Variants in DIS3L2 observed in about 807,000 individuals in gnomAD.
DIS3L2 encodes the protein DIS3-like exonuclease 2.
In DIS3L2, 34 loss-of-function variants were observed where a neutral mutation model predicts 97.5. The ratio of observed to expected loss-of-function variants is 0.35; its 90% CI spans 0.27 to 0.46. DIS3L2 has a LOEUF of 0.46. Ranked by LOEUF, DIS3L2 falls within the 20% of genes least tolerant of loss-of-function variation. DIS3L2 has a pLI of 1.00. For synonymous variants in DIS3L2, 435 were observed against 445.2 expected (o/e 0.98, Z 0.29); for missense variants, 1,038 against 1,146.0 (o/e 0.91, Z 1.36).
At chr2:232,245,617 G>A (rs1362889155) in intron 11 of DIS3L2, among the ~76,000 whole-genome samples, 1 of 152,126 alleles carries the variant, frequency 6.6e-6, no homozygotes, top group African/African-American at 2.4e-5. Context: ...TTAAGACCTG[G>A]TAAATGTCTT....
chr2:232,248,543 A>G (rs961533653), intron 11 of DIS3L2, among the ~76,000 whole-genome samples: 2 of 152,240 alleles, frequency 1.3e-5, no homozygotes, highest in African/African-American at 4.8e-5. Context: ...TCATCATTTG[A>G]AAGTAAGCTG....
chr2:232,080,691 A>G (rs940882697), intron 5 of DIS3L2, among the ~76,000 whole-genome samples: 1 of 151,920 alleles, frequency 6.6e-6, no homozygotes, highest in Non-Finnish European at 1.5e-5. Context: ...GCTTGAGCTC[A>G]GGAGTTCGAG....
chr2:232,206,660 T>C (rs1401902394), intron 9 of DIS3L2, among the ~76,000 whole-genome samples: 1 of 152,216 alleles, frequency 6.6e-6, no homozygotes, highest in South Asian at 2.1e-4. Flanking sequence ...TCAGGAATAA[T>C]GTTTGGATGG....
chr2:231,965,938 C>T lies in DIS3L2; in HGVS notation c.-94+4173C>T, dbSNP rs757275292. Among the ~76,000 whole-genome samples, 11 of 152,258 alleles carry T rather than the reference C, an allele frequency of 7.2e-5. No homozygotes were observed. The South Asian group carries it at 2.1e-3, about 29-fold the overall frequency. On this transcript the variant is annotated intron_variant, in intron 1 of 20. Transcript: ENST00000325385. ...GGCTCAGGCGATCCTCCTGCTTCAACCTCCCGAAGTTCTGGGATTATAGAT... is the reference window on the plus strand; with the variant it reads ...GGCTCAGGCGATCCTCCTGCTTCAATCTCCCGAAGTTCTGGGATTATAGAT...
intron 14 of DIS3L2, among the ~76,000 whole-genome samples, chr2:232,319,985 G>C (rs981151699): frequency 3.9e-5 from 6 of 152,218 alleles, no homozygotes; most frequent in African/African-American, 1.4e-4. Flanking sequence ...CTTCACACAG[G>C]CTGTGCGAGA....
chr2:232,234,911 G>T (rs72994300), intron 10 of DIS3L2, among the ~76,000 whole-genome samples: 1,790 of 152,340 alleles, frequency 0.012, 17 homozygotes, highest in Non-Finnish European at 0.017. Flanking sequence ...GCTTCAAGAA[G>T]ATGTCAGCTT....
intron 9 of DIS3L2, among the ~76,000 whole-genome samples, chr2:232,173,161 C>A (rs747038399): frequency 9.2e-5 from 14 of 152,070 alleles, no homozygotes; most frequent in Non-Finnish European, 1.8e-4. Context: ...TCTGTTTTTT[C>A]TTTGGTTGCT....
At chr2:232,221,741 C>T (rs1262534511) in intron 10 of DIS3L2, among the ~76,000 whole-genome samples, 1 of 151,742 alleles carries the variant, frequency 6.6e-6, no homozygotes, top group Admixed American at 6.6e-5. Flanking sequence ...GTGGAGGTTG[C>T]AGTGAGCCGA....
chr2:231,963,393 A>G (rs1388178216), intron 1 of DIS3L2, among the ~76,000 whole-genome samples: 1 of 151,836 alleles, frequency 6.6e-6, no homozygotes, highest in Non-Finnish European at 1.5e-5. Context: ...TTCTTTTTGT[A>G]TTTCTTCTGA....
In DIS3L2 at chr2:232,029,977, A is replaced by G; in HGVS notation, c.265-2A>G. 1.3e-6 allele frequency: 2 copies of G among 1,594,486 alleles called. No individual in the cohort carries two copies. Among genetic ancestry groups the G allele is most frequent in the Non-Finnish European group, 1.7e-6 (2 of 1,173,016 alleles). ...ATTGTTTTATTTCTTTTTCCAACCT[A>G]GGATGGTGATCGAGACATTTTTATT... On this transcript the variant is annotated splice_acceptor_variant, in intron 4 of 20. Coordinates refer to ENST00000325385, the MANE Select transcript of DIS3L2 (RefSeq NM_152383.5). LOFTEE classifies it high-confidence loss of function.
At position 232,263,406 on chromosome 2, in the gene DIS3L2, A is replaced by G; in HGVS notation, c.1625A>G (p.Gln542Arg). Reference sequence around the variant, plus strand: ...GGAATTGCCAAGCAGTTACGCCAGCAGCGCTTTGTGGACGGCGCACTTCGT... The same window carrying G: ...GGAATTGCCAAGCAGTTACGCCAGCGGCGCTTTGTGGACGGCGCACTTCGT... The part of the protein sequence containing the change: ...LHGIAKQLRQ[Q>R]RFVDGALRLD... Residue 542 changes from glutamine to arginine, a missense_variant, in exon 13 of 21, where the codon CAG becomes CGG. This residue lies in a region of DIS3L2 where 813 missense variants were observed against 880.1 expected (regional missense o/e 0.92). Coordinates refer to ENST00000325385, the MANE Select transcript of DIS3L2 (RefSeq NM_152383.5). 1 of 1,614,172 alleles carries G rather than the reference A, an allele frequency of 6.2e-7. No homozygotes were observed. Among genetic ancestry groups the G allele is most frequent in the Non-Finnish European group, 8.5e-7 (1 of 1,180,046 alleles).
At position 232,312,477 on chromosome 2, in the gene DIS3L2, A is replaced by G. The variant is rs557799797; in HGVS notation, c.1739+12358A>G. Among the ~76,000 whole-genome samples the G allele has an allele frequency of 4.6e-5, 7 of 152,332 alleles. No homozygotes were observed. In the East Asian group the frequency reaches 1.2e-3, roughly 25 times the overall value. ...TGGTTTATATATCTATTCTTGTACC[A>G]GTACCACACTACCTTCATGTTTGTA... On this transcript the variant is annotated intron_variant, in intron 14 of 20. Transcript: ENST00000325385.
Position 232,074,900 on chromosome 2 carries a change from A to AAGAATGGCTAAGGACTAGCAGTGCTGC in DIS3L2, c.367-12583_367-12557dup, listed in dbSNP as rs1696139686. Among the ~76,000 whole-genome samples the AAGAATGGCTAAGGACTAGCAGTGCTGC allele has an allele frequency of 3.9e-5, 6 of 152,284 alleles. No individual in the cohort carries two copies. In the South Asian group the frequency reaches 1.2e-3, roughly 32 times the overall value. Reference sequence around the variant, plus strand: ...ACCTGGCCGAGGAACCGTATAGTGAAAGAATGGCTAAGGACTAGCAGTGCT... The same window carrying AAGAATGGCTAAGGACTAGCAGTGCTGC: ...ACCTGGCCGAGGAACCGTATAGTGAAAGAATGGCTAAGGACTAGCAGTGCTGCAGAATGGCTAAGGACTAGCAGTGCT... On this transcript the variant is annotated intron_variant, in intron 5 of 20. Transcript: ENST00000325385.
chr2:232,338,731 C>G (rs1166174095), downstream of DIS3L2, among the ~76,000 whole-genome samples: 1 of 152,256 alleles, frequency 6.6e-6, no homozygotes, highest in African/African-American at 2.4e-5. Flanking sequence ...ACATGGTTGA[C>G]TGAATCCGGT....
At chr2:232,211,471 A>G (rs978420498) in intron 10 of DIS3L2, among the ~76,000 whole-genome samples, 3 of 152,136 alleles carry the variant, frequency 2.0e-5, no homozygotes, top group African/African-American at 4.8e-5. Context: ...CTAATGCCCC[A>G]GATGTGCTGC....
intron 9 of DIS3L2, among the ~76,000 whole-genome samples, chr2:232,177,009 T>C (rs1268379988): frequency 7.1e-6 from 1 of 141,644 alleles, no homozygotes; most frequent in Non-Finnish European, 1.5e-5. Context: ...CCTGTGTCCA[T>C]GTGATCTCAT....
intron 1 of DIS3L2, among the ~76,000 whole-genome samples, chr2:231,998,283 G>A (rs1451879059): frequency 2.0e-5 from 3 of 152,244 alleles, no homozygotes; most frequent in African/African-American, 7.2e-5. Context: ...AAGGGCAAGA[G>A]AGCAAGAGCA....
intron 9 of DIS3L2, among the ~76,000 whole-genome samples, chr2:232,172,145 T>C (rs1163306369): frequency 2.6e-5 from 4 of 152,194 alleles, no homozygotes; most frequent in African/African-American, 9.6e-5. Flanking sequence ...CAAAGTCTGT[T>C]TTTTATATTG....
At chr2:232,255,872 T>C (rs551663006) in intron 12 of DIS3L2, among the ~76,000 whole-genome samples, 11 of 152,330 alleles carry the variant, frequency 7.2e-5, no homozygotes, top group East Asian at 3.9e-4. Flanking sequence ...TCTCTCATGC[T>C]ACATCTGCAT....
Sources: allele counts gnomAD v4.1 joint callset (sites outside exome capture counted in the v4.1 genomes callset), GRCh38; gene constraint gnomAD v4.1.1; regional missense constraint gnomAD v4.1.1; transcripts MANE v1.5; gene names NCBI Gene and HGNC (gene_info 2026-07-23, HGNC 2026-07-21).